Variants in PTPN4 observed in about 807,000 individuals in gnomAD.
The protein encoded by PTPN4 is tyrosine-protein phosphatase non-receptor type 4.
A neutral mutation model predicts 135.5 loss-of-function variants in PTPN4; 49 were observed. That is an observed-to-expected ratio of 0.36 (90% confidence interval 0.29 to 0.46). The LOEUF is 0.46. Among genes scored for constraint, PTPN4 ranks in the 20% least tolerant of loss-of-function variants. The pLI, the probability that PTPN4 is intolerant of heterozygous loss-of-function variation, is 1.00. For missense variants in PTPN4, 860 were observed against 1,101.0 expected, an observed-to-expected ratio of 0.78 and a Z score of 3.10; for synonymous variants, 333 against 369.9, an observed-to-expected ratio of 0.90 and a Z score of 1.14.
At chr2:119,763,939 T>C (rs551079763) in intron 1 of PTPN4, among the ~76,000 whole-genome samples, 7 of 152,326 alleles carry the variant, frequency 4.6e-5, no homozygotes, top group African/African-American at 1.4e-4. Context: ...GCAAGTTGTT[T>C]AGTTCTGGGC....
chr2:119,801,731 T>A (rs1415203563), intron 1 of PTPN4, among the ~76,000 whole-genome samples: 1 of 152,162 alleles, frequency 6.6e-6, no homozygotes, highest in Non-Finnish European at 1.5e-5. Context: ...AAAACTGATT[T>A]TTGTATGTTG....
At chr2:119,892,973 C>T (rs181738649) in intron 9 of PTPN4, among the ~76,000 whole-genome samples, 7 of 151,854 alleles carry the variant, frequency 4.6e-5, no homozygotes, top group African/African-American at 1.7e-4. Context: ...AGCAATCCTA[C>T]CTGCCTCGGC....
At chr2:119,845,106 G>A (rs2104974273) in intron 2 of PTPN4, among the ~76,000 whole-genome samples, 1 of 149,978 alleles carries the variant, frequency 6.7e-6, no homozygotes, top group East Asian at 2.0e-4. Context: ...GTCAGGCGTG[G>A]CGGCGCGAGC....
intron 1 of PTPN4, among the ~76,000 whole-genome samples, chr2:119,783,219 G>A (rs551183274): frequency 6.6e-6 from 1 of 152,154 alleles, no homozygotes; most frequent in Non-Finnish European, 1.5e-5. Flanking sequence ...AACATAGGAA[G>A]CTATCGGGAA....
chr2:119,880,501 C>T (rs1342439499), intron 5 of PTPN4, among the ~76,000 whole-genome samples: 1 of 151,716 alleles, frequency 6.6e-6, no homozygotes. Flanking sequence ...GCGATCTCGG[C>T]TCATTGCAAG....
Position 119,951,968 on chromosome 2 carries a change from T to C in PTPN4, c.1657-5T>C, listed in dbSNP as rs376992758. ...ATCTGAAACCTTATCTATATTATATTACAGGCTGACCTCTGTGTCCCTAGA... is the reference window on the plus strand; with the variant it reads ...ATCTGAAACCTTATCTATATTATATCACAGGCTGACCTCTGTGTCCCTAGA... On this transcript the variant is annotated splice_polypyrimidine_tract_variant and splice_region_variant and intron_variant, in intron 18 of 26. Transcript: ENST00000263708. The C allele has an allele frequency of 1.5e-5, 24 of 1,602,088 alleles. No homozygotes were observed. The highest frequency in any genetic ancestry group is 2.0e-5 in the Non-Finnish European group (23 of 1,174,430).
In PTPN4 at chr2:119,900,825, A is replaced by G; in HGVS notation, c.764+19A>G. On this transcript the variant is annotated intron_variant, in intron 10 of 26. Coordinates refer to ENST00000263708, the MANE Select transcript of PTPN4 (RefSeq NM_002830.4). ...TTCCATGGTAAGAACATCTATTGAT[A>G]CTTTTATGTTTACCACTGTATTACT... 1.4e-6 allele frequency: 2 copies of G among 1,408,954 alleles called. No individual in the cohort carries two copies. The highest frequency in any genetic ancestry group is 2.0e-6 in the Non-Finnish European group (2 of 1,022,706). 87.3% of individuals were successfully genotyped at this position (1,408,954 alleles called of 1,614,324 possible).
At chr2:119,973,570 A>G (rs1174203679) in intron 26 of PTPN4, among the ~76,000 whole-genome samples, 1 of 151,660 alleles carries the variant, frequency 6.6e-6, no homozygotes, top group Non-Finnish European at 1.5e-5. Flanking sequence ...GTTTAAAATC[A>G]GAATTCAGAT....
At chr2:119,775,223 GT>G (rs1207000848) in intron 1 of PTPN4, among the ~76,000 whole-genome samples, 1 of 151,602 alleles carries the variant, frequency 6.6e-6, no homozygotes, top group Non-Finnish European at 1.5e-5. Flanking sequence ...ATGCAGTCCG[GT>G]TTATGATCAG....
intron 1 of PTPN4, among the ~76,000 whole-genome samples, chr2:119,782,377 C>A (rs1459058914): frequency 6.6e-6 from 1 of 152,010 alleles, no homozygotes; most frequent in African/African-American, 2.4e-5. Flanking sequence ...CGAGGTCATG[C>A]CACTGCACTC....
intron 1 of PTPN4, among the ~76,000 whole-genome samples, chr2:119,761,579 TTG>T (rs1690501654): frequency 6.6e-6 from 1 of 152,224 alleles, no homozygotes; most frequent in African/African-American, 2.4e-5. Flanking sequence ...CACTGTTTTT[TTG>T]TTAGAATAAA....
At chr2:119,898,343 A>AT (rs1320073039) in intron 9 of PTPN4, among the ~76,000 whole-genome samples, 2 of 152,204 alleles carry the variant, frequency 1.3e-5, no homozygotes, top group Non-Finnish European at 2.9e-5. Flanking sequence ...TTAACACGGA[A>AT]TTGTGGGCAC....
chr2:119,830,413 T>G (rs1238621819), intron 2 of PTPN4, among the ~76,000 whole-genome samples: 1 of 152,146 alleles, frequency 6.6e-6, no homozygotes, highest in Non-Finnish European at 1.5e-5. Flanking sequence ...GCACCATTTC[T>G]CTTGGTATTG....
intron 3 of PTPN4, among the ~76,000 whole-genome samples, chr2:119,868,544 T>C (rs1677864215): frequency 6.6e-6 from 1 of 152,240 alleles, no homozygotes; most frequent in South Asian, 2.1e-4. Context: ...ATGTTCATGT[T>C]GGCCATAATG....
intron 15 of PTPN4, among the ~76,000 whole-genome samples, chr2:119,944,765 G>A (rs2105046938): frequency 6.6e-6 from 1 of 152,060 alleles, no homozygotes; most frequent in South Asian, 2.1e-4. Flanking sequence ...CTTATTCCTG[G>A]CTACCCGTGA....
chr2:119,940,705 A>G (rs1240260789), intron 15 of PTPN4, among the ~76,000 whole-genome samples: 3 of 152,148 alleles, frequency 2.0e-5, no homozygotes, highest in Non-Finnish European at 1.5e-5. Flanking sequence ...AAGAGCCATC[A>G]ATTTCTGGCA....
intron 1 of PTPN4, among the ~76,000 whole-genome samples, chr2:119,786,242 A>G (rs2104932133): frequency 6.6e-6 from 1 of 152,346 alleles, no homozygotes; most frequent in African/African-American, 2.4e-5. Context: ...CTGCTTAATA[A>G]TGAAAAATTA....
At position 119,850,963 on chromosome 2, in the gene PTPN4, A is replaced by G. The variant is rs947799350; in HGVS notation, c.139-11573A>G. Reference sequence around the variant, plus strand: ...ATTAATATTTTTTGAGGATTTTTGCATCTGTGTTCATGAGAAACATTAGTC... The same window carrying G: ...ATTAATATTTTTTGAGGATTTTTGCGTCTGTGTTCATGAGAAACATTAGTC... On this transcript the variant is annotated intron_variant, in intron 2 of 26. Coordinates refer to ENST00000263708, the MANE Select transcript of PTPN4 (RefSeq NM_002830.4). Among the ~76,000 whole-genome samples the G allele has an allele frequency of 2.6e-5, 4 of 152,174 alleles. No homozygotes were observed. In the East Asian group the frequency reaches 5.8e-4, roughly 22 times the overall value.
chr2:119,869,287 A>G (rs969768206), intron 3 of PTPN4, among the ~76,000 whole-genome samples: 6 of 152,228 alleles, frequency 3.9e-5, no homozygotes, highest in Non-Finnish European at 7.3e-5. Flanking sequence ...TGATAGAAAT[A>G]TCTTGATTGT....
Sources: allele counts gnomAD v4.1 joint callset (sites outside exome capture counted in the v4.1 genomes callset), GRCh38; gene constraint gnomAD v4.1.1; transcripts MANE v1.5; gene names NCBI Gene and HGNC (gene_info 2026-07-23, HGNC 2026-07-21).